The following DLGAP1 variants were observed in gnomAD, a reference collection of about 807,000 sequenced individuals.
DLGAP1 encodes the protein disks large-associated protein 1.
DLGAP1 carries 11 observed loss-of-function variants against 90.8 expected under a neutral mutation model. The observed-to-expected ratio is 0.12, with a 90% confidence interval of 0.08 to 0.20. DLGAP1 has a LOEUF of 0.20. Ranked by LOEUF, DLGAP1 falls within the 10% of genes least tolerant of loss-of-function variation. The probability of loss-of-function intolerance (pLI) is 1.00; values close to 1 mark genes in which losing one functional copy is unlikely to be tolerated. For synonymous variants in DLGAP1, 558 were observed against 540.7 expected (o/e 1.03, Z -0.44); for missense variants, 1,050 against 1,333.8 (o/e 0.79, Z 3.31).
intron 1 of DLGAP1, among the ~76,000 whole-genome samples, chr18:4,333,708 C>G (rs555766473): frequency 4.0e-5 from 6 of 149,164 alleles, no homozygotes; most frequent in African/African-American, 1.0e-4. Flanking sequence ...CAAACTCCAC[C>G]TCCCGGGTTC....
chr18:4,015,722 A>T (rs1395220686), intron 2 of DLGAP1, among the ~76,000 whole-genome samples: 1 of 152,242 alleles, frequency 6.6e-6, no homozygotes, highest in Non-Finnish European at 1.5e-5. Context: ...TTCAGGACAA[A>T]ATATGAGTGA....
rs1175101805 is a variant in DLGAP1 at position 4,235,719 on chromosome 18, C to CTTTTTTTTT, written c.-266-84441_-266-84433dup. On this transcript the variant is annotated intron_variant, in intron 1 of 12. Coordinates refer to ENST00000315677, the MANE Select transcript of DLGAP1 (RefSeq NM_004746.4). Reference sequence around the variant, plus strand: ...GTTTTATAAATTTCAATTTCAATGTCTTTTTTTTTTTTTTTTTTTTTTTTG... The same window carrying CTTTTTTTTT: ...GTTTTATAAATTTCAATTTCAATGTCTTTTTTTTTTTTTTTTTTTTTTTTTTTTTTTTTG... 1.6e-3 allele frequency among the ~76,000 whole-genome samples: 126 copies of CTTTTTTTTT among 80,256 alleles called. 13 individuals carry two copies. The highest frequency in any genetic ancestry group is 5.5e-3 in the African/African-American group (110 of 19,824). 52.7% of individuals were successfully genotyped at this position (80,256 alleles called of 152,430 possible). A position where few individuals can be genotyped will look rare whatever the true frequency, so the allele number is the denominator to read the frequency against.
At chr18:3,820,857 A>T (rs1250791126) in intron 4 of DLGAP1, among the ~76,000 whole-genome samples, 1 of 151,988 alleles carries the variant, frequency 6.6e-6, no homozygotes, top group Admixed American at 6.6e-5. Context: ...TAGGCATCTG[A>T]CATTCATGAA....
chr18:3,817,693 A>C (rs1406256928), intron 4 of DLGAP1, among the ~76,000 whole-genome samples: 1 of 152,244 alleles, frequency 6.6e-6, no homozygotes, highest in East Asian at 1.9e-4. Context: ...AGAAGAAAGC[A>C]TATAAAGTGA....
intron 2 of DLGAP1, among the ~76,000 whole-genome samples, chr18:4,066,754 G>A (rs1199355099): frequency 6.6e-6 from 1 of 152,142 alleles, no homozygotes; most frequent in African/African-American, 2.4e-5. Flanking sequence ...AGCCATTGTG[G>A]AGGACAGTGT....
At chr18:3,908,730 G>A (rs2071967792) in intron 3 of DLGAP1, among the ~76,000 whole-genome samples, 1 of 152,104 alleles carries the variant, frequency 6.6e-6, no homozygotes, top group South Asian at 2.1e-4. Flanking sequence ...AAGATTAGCA[G>A]GTAACATCCA....
chr18:4,266,654 C>T (rs1407821237), intron 1 of DLGAP1, among the ~76,000 whole-genome samples: 2 of 152,194 alleles, frequency 1.3e-5, no homozygotes, highest in African/African-American at 4.8e-5. Context: ...AGACAGCAGA[C>T]AGCACAAGTT....
chr18:4,276,074 G>T (rs1290740405), intron 1 of DLGAP1, among the ~76,000 whole-genome samples: 2 of 146,644 alleles, frequency 1.4e-5, no homozygotes, highest in African/African-American at 5.0e-5. Context: ...AGCCGGAAAA[G>T]ACCTTATGGG....
chr18:4,264,517 ACACTCTACCTCTG>A (rs1407129844), intron 1 of DLGAP1: 1 of 152,264 alleles, frequency 6.6e-6, no homozygotes, highest in African/African-American at 2.4e-5. Flanking sequence ...CTTCAACTCT[ACACTCTACCTCTG>A]CCTCACCCTT....
intron 7 of DLGAP1, among the ~76,000 whole-genome samples, chr18:3,696,103 C>T (rs2061082705): frequency 1.3e-5 from 2 of 152,170 alleles, no homozygotes; most frequent in African/African-American, 2.4e-5. Flanking sequence ...TGGGCTGAGA[C>T]GATGGGGTTT....
rs58599574 is a variant in DLGAP1, at chr18:3,977,434, G to GT, written c.-73+27681dup. On this transcript the variant is annotated intron_variant, in intron 3 of 12. Transcript: ENST00000315677. ...AGTTAATGAATTATGTTTATTCTGT[G>GT]TTTTTTTTTTTTTTTTTTTTGCTGA... 4.6e-4 allele frequency among the ~76,000 whole-genome samples: 44 copies of GT among 95,340 alleles called. 1 individual carries two copies. In the East Asian group the frequency reaches 5.8e-3, roughly 13 times the overall value. 62.5% of individuals were successfully genotyped at this position (95,340 alleles called of 152,430 possible). A position where few individuals can be genotyped will look rare whatever the true frequency, so the allele number is the denominator to read the frequency against.
intron 7 of DLGAP1, among the ~76,000 whole-genome samples, chr18:3,650,463 A>G (rs191095312): frequency 1.3e-5 from 2 of 152,320 alleles, no homozygotes; most frequent in East Asian, 3.9e-4. Flanking sequence ...GTCTCTACAA[A>G]AGAAAGAAAG....
intron 1 of DLGAP1, among the ~76,000 whole-genome samples, chr18:4,366,687 C>CT (rs2081776554): frequency 6.6e-6 from 1 of 151,822 alleles, no homozygotes; most frequent in South Asian, 2.1e-4. Flanking sequence ...TTATTTGGCT[C>CT]TACCTCCCAA....
intron 7 of DLGAP1, among the ~76,000 whole-genome samples, chr18:3,613,320 G>T (rs897615452): frequency 6.6e-6 from 1 of 152,138 alleles, no homozygotes; most frequent in East Asian, 1.9e-4. Flanking sequence ...GGAAACAATG[G>T]TTTATTGTCT....
intron 7 of DLGAP1, among the ~76,000 whole-genome samples, chr18:3,649,443 C>T (rs547559345): frequency 3.3e-5 from 5 of 152,226 alleles, no homozygotes; most frequent in African/African-American, 1.2e-4. Context: ...GTGGCTTTGC[C>T]GAAAATGAAA....
At chr18:4,377,231 A>G (rs1184906652) in intron 1 of DLGAP1, among the ~76,000 whole-genome samples, 1 of 152,074 alleles carries the variant, frequency 6.6e-6, no homozygotes, top group Non-Finnish European at 1.5e-5. Context: ...AGAGAATAAG[A>G]AATGACCAGT....
At chr18:3,680,385 G>A (rs1025151337) in intron 7 of DLGAP1, among the ~76,000 whole-genome samples, 1 of 152,216 alleles carries the variant, frequency 6.6e-6, no homozygotes, top group Non-Finnish European at 1.5e-5. Context: ...AAGGGGTACA[G>A]GTGAGTACAG....
chr18:4,037,714 C>T (rs879916282), intron 2 of DLGAP1, among the ~76,000 whole-genome samples: 8 of 152,302 alleles, frequency 5.3e-5, no homozygotes, highest in Middle Eastern at 3.4e-3. Flanking sequence ...AATACTAGCA[C>T]TTTGGAAGGC....
At chr18:3,907,134 AGC>A (rs1350050964) in intron 3 of DLGAP1, among the ~76,000 whole-genome samples, 1 of 151,232 alleles carries the variant, frequency 6.6e-6, no homozygotes, top group Non-Finnish European at 1.5e-5. Flanking sequence ...CATGGATGTT[AGC>A]GTCAGTGGGG....
Sources: gnomAD v4.1 joint callset for allele counts (sites outside exome capture counted in the v4.1 genomes callset) on GRCh38, gnomAD v4.1.1 for gene constraint, MANE v1.5 for transcripts, NCBI Gene and HGNC (gene_info 2026-07-23, HGNC 2026-07-21) for gene names.